MITF: variants seen among roughly 807,000 people sequenced by gnomAD.
The protein encoded by MITF is melanocyte inducing transcription factor, also known as microphthalmia-associated transcription factor.
A neutral mutation model predicts 60.5 loss-of-function variants in MITF; 17 were observed. That is an observed-to-expected ratio of 0.28 (90% CI 0.19 to 0.42). The LOEUF (loss-of-function observed/expected upper bound fraction) is 0.42. Among genes scored for constraint, MITF ranks in the 10% least tolerant of loss-of-function variants. The pLI is 1.00. For missense variants in MITF, 622 were observed against 683.5 expected (o/e 0.91, Z 1.00); for synonymous variants, 260 against 248.5 (o/e 1.05, Z -0.43).
chr3:69,837,332 G>A (rs962276829), intron 1 of MITF, among the ~76,000 whole-genome samples: 10 of 152,240 alleles, frequency 6.6e-5, no homozygotes, highest in East Asian at 1.9e-4. Context: ...CTTCAGTAGC[G>A]CAATACCTTT....
intron 1 of MITF, among the ~76,000 whole-genome samples, chr3:69,875,133 T>C (rs920092189): frequency 6.6e-6 from 1 of 152,176 alleles, no homozygotes; most frequent in Non-Finnish European, 1.5e-5. Context: ...TCATTAAAGC[T>C]CATGCAGCTC....
At chr3:69,872,772 C>T (rs1422512799) in intron 1 of MITF, among the ~76,000 whole-genome samples, 1 of 151,978 alleles carries the variant, frequency 6.6e-6, no homozygotes, top group African/African-American at 2.4e-5. Context: ...TTTTTAGCAG[C>T]GAATTGAGGT....
chr3:69,877,764 T>G (rs1272276736), intron 1 of MITF, among the ~76,000 whole-genome samples: 1 of 152,178 alleles, frequency 6.6e-6, no homozygotes, highest in African/African-American at 2.4e-5. Flanking sequence ...AAGGAGCTCA[T>G]GAGGATGGTC....
chr3:69,789,112 A>T (rs2062698821), intron 1 of MITF, among the ~76,000 whole-genome samples: 1 of 152,182 alleles, frequency 6.6e-6, no homozygotes, highest in Non-Finnish European at 1.5e-5. Flanking sequence ...TCTAGGTGCT[A>T]GAAAAAAAAA....
chr3:69,778,958 T>A (rs2062519832), intron 1 of MITF: 1 of 152,202 alleles, frequency 6.6e-6, no homozygotes, highest in Admixed American at 6.5e-5. Flanking sequence ...GTCATACCCT[T>A]TATGATGACT....
At chr3:69,744,889 T>C (rs149487597) in intron 1 of MITF, among the ~76,000 whole-genome samples, 3 of 152,322 alleles carry the variant, frequency 2.0e-5, no homozygotes, top group Non-Finnish European at 4.4e-5. Flanking sequence ...TCCATAAAAA[T>C]TCGTGTTCAA....
intron 1 of MITF, among the ~76,000 whole-genome samples, chr3:69,742,922 C>T (rs941979001): frequency 2.0e-5 from 3 of 152,156 alleles, no homozygotes; most frequent in South Asian, 4.1e-4. Flanking sequence ...TCCCATAGGG[C>T]TTATATTATA....
At chr3:69,917,066 C>T (rs1559718366) in intron 2 of MITF, among the ~76,000 whole-genome samples, 1 of 152,102 alleles carries the variant, frequency 6.6e-6, no homozygotes, top group Non-Finnish European at 1.5e-5. Context: ...TGATGGGCAG[C>T]ATATTAAGTA....
At chr3:69,762,694 G>C (rs983503975) in intron 1 of MITF, 12 of 218,986 alleles carry the variant, frequency 5.5e-5, no homozygotes, top group African/African-American at 2.5e-4. Flanking sequence ...TGAAACCATG[G>C]GCCTCCTGCC....
intron 1 of MITF, among the ~76,000 whole-genome samples, chr3:69,867,962 T>C (rs2064148253): frequency 6.6e-6 from 1 of 152,196 alleles, no homozygotes; most frequent in African/African-American, 2.4e-5. Flanking sequence ...TGCGTATTCT[T>C]TTAGGAGAGC....
chr3:69,930,735 C>G (rs1413305235), intron 2 of MITF, among the ~76,000 whole-genome samples: 4 of 152,370 alleles, frequency 2.6e-5, no homozygotes, highest in Non-Finnish European at 5.9e-5. Flanking sequence ...GGTCAGCATC[C>G]CCTGGCAACT....
At chr3:69,881,859 C>T (rs574468964) in intron 2 of MITF, among the ~76,000 whole-genome samples, 4 of 151,924 alleles carry the variant, frequency 2.6e-5, no homozygotes, top group African/African-American at 9.6e-5. Flanking sequence ...TGAGTAAATT[C>T]GCTTAATTTT....
intron 1 of MITF, among the ~76,000 whole-genome samples, chr3:69,868,744 C>G (rs556473261): frequency 1.3e-5 from 2 of 151,942 alleles, no homozygotes; most frequent in South Asian, 2.1e-4. Context: ...ACTAAAAATA[C>G]AAAAATTAGC....
intron 8 of MITF, among the ~76,000 whole-genome samples, chr3:69,958,033 A>G (rs2066442912): frequency 6.6e-6 from 1 of 152,194 alleles, no homozygotes; most frequent in Non-Finnish European, 1.5e-5. Flanking sequence ...CTGTGAAAAA[A>G]GAGTCCCTCT....
rs780834582 is a variant in MITF at position 69,937,955 on chromosome 3, A to C, written c.488A>C (p.Gln163Pro). 5.0e-6 allele frequency: 8 copies of C among 1,614,186 alleles called. No individual in the cohort carries two copies. In the Admixed American group the frequency reaches 1.3e-4, roughly 27 times the overall value. ...NQVLSLPCPN[Q>P]PGDHVMPPVP... ...GTCCTGAGCTTGCCATGTCCAAACC[A>C]GCCTGGCGATCATGTCATGCCACCG... Residue 163 changes from glutamine to proline, a missense_variant, in exon 3 of 10, where the codon CAG (glutamine) becomes CCG (proline). Physicochemically the swap from Gln to Pro is moderately conservative, Grantham distance 76. This residue lies in a region of MITF where 215 missense variants were observed against 224.8 expected (regional missense o/e 0.96). Transcript: ENST00000352241.
intron 1 of MITF, among the ~76,000 whole-genome samples, chr3:69,842,525 C>A (rs1213984496): frequency 6.6e-6 from 1 of 152,094 alleles, no homozygotes; most frequent in Non-Finnish European, 1.5e-5. Context: ...ATTATAGCAT[C>A]AGAAGTGAAT....
intron 1 of MITF, among the ~76,000 whole-genome samples, chr3:69,846,063 T>C (rs1160830830): frequency 6.6e-6 from 1 of 151,886 alleles, no homozygotes. Context: ...TGGTAAGTGC[T>C]ATAAAGAAAA....
chr3:69,890,704 T>C (rs2064740906), intron 2 of MITF, among the ~76,000 whole-genome samples: 1 of 152,168 alleles, frequency 6.6e-6, no homozygotes, highest in African/African-American at 2.4e-5. Flanking sequence ...TCTTTAGTAA[T>C]TCATTAGATA....
intron 1 of MITF, chr3:69,752,245 G>T (rs926460629): frequency 3.9e-5 from 6 of 152,242 alleles, no homozygotes; most frequent in African/African-American, 1.2e-4. Flanking sequence ...TTGCTATAAA[G>T]ATACCTGAAA....
Sources: allele counts gnomAD v4.1 joint callset (sites outside exome capture counted in the v4.1 genomes callset), GRCh38; gene constraint gnomAD v4.1.1; regional missense constraint gnomAD v4.1.1; transcripts MANE v1.5; gene names NCBI Gene and HGNC (gene_info 2026-07-23, HGNC 2026-07-21).